The following PIK3C2G variants were observed in gnomAD, a reference collection of about 807,000 sequenced individuals.
PIK3C2G encodes the protein phosphatidylinositol 3-kinase C2 domain-containing subunit gamma.
In PIK3C2G, 168 loss-of-function variants were observed where a neutral mutation model predicts 181.1. The observed-to-expected ratio is 0.93, with a 90% CI of 0.82 to 1.05. The LOEUF is 1.05. PIK3C2G is among the 50% of genes least tolerant of loss of function. The pLI is 0.00. For synonymous variants in PIK3C2G, 573 were observed against 592.2 expected, an observed-to-expected ratio of 0.97 and a Z score of 0.47; for missense variants, 1,869 against 1,732.8, an observed-to-expected ratio of 1.08 and a Z score of -1.40.
At chr12:18,512,471 G>A (rs1238215122) in intron 24 of PIK3C2G, among the ~76,000 whole-genome samples, 2 of 151,742 alleles carry the variant, frequency 1.3e-5, no homozygotes, top group Non-Finnish European at 1.5e-5. Context: ...GTTTTTTTCA[G>A]TTTCTTTCAT....
the PIK3C2G span, among the ~76,000 whole-genome samples, chr12:18,662,595 G>T: frequency 6.6e-6 from 1 of 152,064 alleles, no homozygotes; most frequent in Non-Finnish European, 1.5e-5. Context: ...TTGGTCTGCA[G>T]CTATACATTT....
At chr12:18,464,602 T>A (rs934651470) in intron 18 of PIK3C2G, among the ~76,000 whole-genome samples, 17 of 152,094 alleles carry the variant, frequency 1.1e-4, no homozygotes, top group African/African-American at 4.1e-4. Context: ...CTTTAATTAT[T>A]CCAATTCACT....
At position 18,595,891 on chromosome 12, in the gene PIK3C2G, G is replaced by A. The variant is rs115769634; in HGVS notation, c.4087+1322G>A. 5.9e-3 allele frequency among the ~76,000 whole-genome samples: 903 copies of A among 152,226 alleles called. 6 individuals carry two copies. Among genetic ancestry groups the A allele is most frequent in the African/African-American group, 0.021 (868 of 41,534 alleles). ...AAACTCTCATCATGGGATTCCAGCA[G>A]AATATGGTCTTTGCTATACACGCCT... is the stretch of plus-strand genomic sequence containing the variant. On this transcript the variant is annotated intron_variant, in intron 30 of 32. Coordinates refer to ENST00000538779, the MANE Select transcript of PIK3C2G (RefSeq NM_001288772.2).
chr12:18,397,018 G>C (rs1476673648), intron 15 of PIK3C2G, among the ~76,000 whole-genome samples: 1 of 151,812 alleles, frequency 6.6e-6, no homozygotes, highest in Non-Finnish European at 1.5e-5. Context: ...ATGGATTCAT[G>C]TACTATAAAT....
At chr12:18,573,093 T>C (rs918062145) in intron 29 of PIK3C2G, among the ~76,000 whole-genome samples, 3 of 152,098 alleles carry the variant, frequency 2.0e-5, no homozygotes, top group Non-Finnish European at 2.9e-5. Context: ...TTCAATCATG[T>C]AGTCTTGTTC....
chr12:18,600,701 G>A (rs957893466), intron 30 of PIK3C2G, among the ~76,000 whole-genome samples: 2 of 151,932 alleles, frequency 1.3e-5, no homozygotes, highest in African/African-American at 4.8e-5. Context: ...TTGTAAATCT[G>A]TCTGAAATTG....
chr12:18,294,752 T>C (rs1379977725), intron 5 of PIK3C2G, among the ~76,000 whole-genome samples: 1 of 152,004 alleles, frequency 6.6e-6, no homozygotes, highest in African/African-American at 2.4e-5. Context: ...AGTAAAGTAT[T>C]AAAGACTAAA....
intron 12 of PIK3C2G, among the ~76,000 whole-genome samples, chr12:18,364,275 C>T (rs1941479607): frequency 6.6e-6 from 1 of 152,204 alleles, no homozygotes; most frequent in African/African-American, 2.4e-5. Flanking sequence ...GCCAGGGATC[C>T]TCCATGTGTC....
Position 18,290,966 on chromosome 12 carries a change from T to C in PIK3C2G, c.873T>C (p.His291=). The change falls in exon 4 of 33, where the codon CAT becomes CAC. Residue 291 remains histidine, a synonymous_variant. Transcript: ENST00000538779. ...QLFSKTKFNI[H]IFIDNSTQPL... ...TTTCTAAGACCAAGTTTAATATACATATTTTTATTGATAACTCAACACAAC... is the reference window on the plus strand; with the variant it reads ...TTTCTAAGACCAAGTTTAATATACACATTTTTATTGATAACTCAACACAAC... The C allele has an allele frequency of 6.3e-7, 1 of 1,597,216 alleles. No individual in the cohort carries two copies. The highest frequency in any genetic ancestry group is 1.3e-5 in the African/African-American group (1 of 74,748).
intron 25 of PIK3C2G, among the ~76,000 whole-genome samples, chr12:18,541,412 G>A (rs1289732183): frequency 1.3e-5 from 2 of 151,868 alleles, no homozygotes; most frequent in East Asian, 3.9e-4. Context: ...ATAAAAGCCT[G>A]TGTTTCATCA....
intron 26 of PIK3C2G, among the ~76,000 whole-genome samples, chr12:18,559,805 TATATATATATATATATAG>T (rs1249417723): frequency 8.7e-4 from 40 of 45,884 alleles, no homozygotes; most frequent in African/African-American, 1.9e-3. Context: ...TATATATATA[TATATATATATATATATAG>T]AGAGAGAGAG....
chr12:18,279,389 T>C (rs897116629), intron 1 of PIK3C2G, among the ~76,000 whole-genome samples: 2 of 151,940 alleles, frequency 1.3e-5, no homozygotes, highest in African/African-American at 4.8e-5. Context: ...TCGTTAACAA[T>C]AACAAGATCG....
At chr12:18,647,687 ACT>A (rs1028776753) in intron 32 of PIK3C2G, among the ~76,000 whole-genome samples, 187 bp from the exon 33 acceptor site, 7 of 151,886 alleles carry the variant, frequency 4.6e-5, no homozygotes, top group African/African-American at 1.7e-4. Context: ...CTGTCATTAA[ACT>A]CTATTGTGTT....
the PIK3C2G span, among the ~76,000 whole-genome samples, chr12:18,718,171 T>G: frequency 1.3e-5 from 2 of 152,156 alleles, no homozygotes; most frequent in Non-Finnish European, 2.9e-5. Flanking sequence ...ATTTTCAACT[T>G]AAGATATTTT....
chr12:18,671,166 G>C, the PIK3C2G span, among the ~76,000 whole-genome samples: 1 of 147,604 alleles, frequency 6.8e-6, no homozygotes, highest in Non-Finnish European at 1.5e-5. Context: ...TCCAGCCCGG[G>C]TGACAGGGTG....
chr12:18,523,384 TG>T (rs1343582157), intron 24 of PIK3C2G, among the ~76,000 whole-genome samples: 1 of 152,174 alleles, frequency 6.6e-6, no homozygotes, highest in Non-Finnish European at 1.5e-5. Context: ...TGTTTTTTGA[TG>T]GTGATAGAGC....
intron 18 of PIK3C2G, among the ~76,000 whole-genome samples, chr12:18,444,135 A>AT (rs1308733646): frequency 1.3e-5 from 2 of 152,188 alleles, no homozygotes; most frequent in African/African-American, 4.8e-5. Flanking sequence ...AGTAAAATCT[A>AT]TACACCCATT....
intron 20 of PIK3C2G, among the ~76,000 whole-genome samples, chr12:18,495,723 A>G (rs1162876608): frequency 3.3e-5 from 5 of 152,146 alleles, no homozygotes; most frequent in African/African-American, 1.2e-4. Context: ...ACTTTTATCT[A>G]CTAACCAGCT....
At chr12:18,346,610 A>C in intron 10 of PIK3C2G, 31 bp from the exon 11 acceptor site, 1 of 1,370,712 alleles carries the variant, frequency 7.3e-7, no homozygotes. Flanking sequence ...GGCCCTTCTT[A>C]GTGACTTGAT....
Sources: allele counts gnomAD v4.1 joint callset (sites outside exome capture counted in the v4.1 genomes callset), GRCh38; gene constraint gnomAD v4.1.1; transcripts MANE v1.5; gene names NCBI Gene and HGNC (gene_info 2026-07-23, HGNC 2026-07-21).